ERBB4: variants seen among roughly 807,000 people sequenced by gnomAD.
The protein encoded by ERBB4 is receptor tyrosine-protein kinase erbB-4.
A neutral mutation model predicts 158.0 loss-of-function variants in ERBB4; 42 were observed. The observed-to-expected ratio is 0.27, with a 90% confidence interval of 0.21 to 0.34. The LOEUF is 0.34. Ranked by LOEUF, ERBB4 falls within the 10% of genes least tolerant of loss-of-function variation. The probability of loss-of-function intolerance (pLI) is 1.00; values close to 1 mark genes in which losing one functional copy is unlikely to be tolerated. For missense variants in ERBB4, 1,333 were observed against 1,624.1 expected (o/e 0.82, Z 3.08); for synonymous variants, 583 against 558.7 (o/e 1.04, Z -0.61).
chr2:211,546,077 G>C (rs1018098144), intron 20 of ERBB4, among the ~76,000 whole-genome samples: 1 of 151,912 alleles, frequency 6.6e-6, no homozygotes, highest in Non-Finnish European at 1.5e-5. Flanking sequence ...TTGCCAAAAA[G>C]CTCTTTTTAA....
intron 3 of ERBB4, among the ~76,000 whole-genome samples, chr2:211,915,595 T>A (rs980397901): frequency 6.6e-6 from 1 of 151,928 alleles, no homozygotes; most frequent in African/African-American, 2.4e-5. Flanking sequence ...CTAGCTTAAG[T>A]AATTTGAGAG....
intron 5 of ERBB4, among the ~76,000 whole-genome samples, chr2:211,730,077 G>A (rs996725449): frequency 1.3e-5 from 2 of 151,902 alleles, no homozygotes; most frequent in African/African-American, 4.8e-5. Flanking sequence ...ACTACTGAGA[G>A]AATGTCTATC....
At chr2:212,469,646 T>C (rs1689016212) in intron 1 of ERBB4, among the ~76,000 whole-genome samples, 1 of 152,186 alleles carries the variant, frequency 6.6e-6, no homozygotes, top group Non-Finnish European at 1.5e-5. Context: ...CAGCTATTCA[T>C]GATATTACTG....
At chr2:211,718,138 C>T (rs1266888965) in intron 7 of ERBB4, among the ~76,000 whole-genome samples, 1 of 152,138 alleles carries the variant, frequency 6.6e-6, no homozygotes, top group Non-Finnish European at 1.5e-5. Flanking sequence ...TCTCAAACTC[C>T]TGACCTCACG....
At chr2:211,799,385 G>A (rs1478215508) in intron 3 of ERBB4, among the ~76,000 whole-genome samples, 1 of 152,040 alleles carries the variant, frequency 6.6e-6, no homozygotes, top group African/African-American at 2.4e-5. Context: ...TGCTTTCATA[G>A]GGTAAATAAA....
chr2:212,046,271 T>C lies in ERBB4; in HGVS notation c.234+78481A>G, dbSNP rs149415098. ...TGGTGCTACGAGACACCTAAGAGAA[T>C]AAACTAATCCCTTCACTTTACAGAT... On this transcript the variant is annotated intron_variant, in intron 2 of 27. Coordinates refer to ENST00000342788, the MANE Select transcript of ERBB4 (RefSeq NM_005235.3). Among the ~76,000 whole-genome samples, 265 of 152,276 alleles carry C rather than the reference T, an allele frequency of 1.7e-3. 1 individual carries two copies. The highest frequency in any genetic ancestry group is 5.9e-3 in the African/African-American group (244 of 41,562).
chr2:212,264,367 T>C (rs530072139), intron 1 of ERBB4, among the ~76,000 whole-genome samples: 386 of 152,182 alleles, frequency 2.5e-3, no homozygotes, highest in Non-Finnish European at 4.2e-3. Flanking sequence ...CAAAGGCACA[T>C]AGACACATCT....
chr2:211,433,591 T>A (rs899391233), intron 20 of ERBB4, among the ~76,000 whole-genome samples: 163 of 144,912 alleles, frequency 1.1e-3, no homozygotes, highest in African/African-American at 3.9e-3. Context: ...AAAAATAAAA[T>A]AAAATAAAAA....
chr2:212,370,393 C>T (rs2090044045), intron 1 of ERBB4, among the ~76,000 whole-genome samples: 1 of 152,156 alleles, frequency 6.6e-6, no homozygotes, highest in Admixed American at 6.6e-5. Flanking sequence ...GATTAATAAA[C>T]TGACCAAACA....
intron 19 of ERBB4, among the ~76,000 whole-genome samples, chr2:211,565,745 A>T (rs1237659990): frequency 1.3e-5 from 2 of 152,110 alleles, no homozygotes; most frequent in Non-Finnish European, 2.9e-5. Flanking sequence ...CGTGAGGTTT[A>T]ACATTTTATT....
intron 16 of ERBB4, among the ~76,000 whole-genome samples, chr2:211,635,057 G>A (rs1268178693): frequency 6.6e-6 from 1 of 152,136 alleles, no homozygotes; most frequent in African/African-American, 2.4e-5. Context: ...AATACTAAGG[G>A]ATCTAGAATA....
intron 22 of ERBB4, among the ~76,000 whole-genome samples, chr2:211,426,706 G>A (rs1181620083): frequency 6.6e-6 from 1 of 151,244 alleles, no homozygotes; most frequent in Non-Finnish European, 1.5e-5. Context: ...TATATATCTT[G>A]AGCTAATTTA....
At position 211,848,329 on chromosome 2, in the gene ERBB4, AAAC is replaced by A. The variant is rs2077638304; in HGVS notation, c.422-60173_422-60171del. On this transcript the variant is annotated intron_variant, in intron 3 of 27. Coordinates refer to ENST00000342788, the MANE Select transcript of ERBB4 (RefSeq NM_005235.3). Reference sequence around the variant, plus strand: ...CACAGAAAGAAATAAAAACAAAACAAAACAAAAAACTTGCAAGTAATATGGTGT... The same window carrying A: ...CACAGAAAGAAATAAAAACAAAACAAAAAAAACTTGCAAGTAATATGGTGT... Among the ~76,000 whole-genome samples, 3 of 152,212 alleles carry A rather than the reference AAAC, an allele frequency of 2.0e-5. No individual in the cohort carries two copies. In the South Asian group the frequency reaches 6.2e-4, roughly 32 times the overall value.
intron 3 of ERBB4, among the ~76,000 whole-genome samples, chr2:211,844,876 CAT>C (rs755700752): frequency 7.2e-5 from 11 of 152,120 alleles, no homozygotes; most frequent in Non-Finnish European, 1.6e-4. Flanking sequence ...ATAACCCACA[CAT>C]CTTTTATAGA....
At chr2:212,134,676 CTTTTTTTTTTTTTTTTT>C (rs869141215) in intron 1 of ERBB4, among the ~76,000 whole-genome samples, 1 of 69,056 alleles carries the variant, frequency 1.4e-5, no homozygotes, top group Admixed American at 2.0e-4. Flanking sequence ...TAAACACTTT[CTTTTTTTTTTTTTTTTT>C]TTTTTTTTGA....
intron 2 of ERBB4, among the ~76,000 whole-genome samples, chr2:212,114,123 G>T (rs1293110086): frequency 6.6e-6 from 1 of 152,124 alleles, no homozygotes. Context: ...TTGTTATTTA[G>T]GAGTGTTGAC....
chr2:211,994,662 T>C (rs1404248161), intron 2 of ERBB4, among the ~76,000 whole-genome samples: 3 of 152,264 alleles, frequency 2.0e-5, no homozygotes, highest in Middle Eastern at 3.4e-3. Context: ...AACAACTATA[T>C]AGAATTCATC....
At chr2:212,423,668 G>A (rs377565796) in intron 1 of ERBB4, among the ~76,000 whole-genome samples, 1 of 152,146 alleles carries the variant, frequency 6.6e-6, no homozygotes, top group Non-Finnish European at 1.5e-5. Flanking sequence ...AAAAATAATT[G>A]TAATACTGCA....
At chr2:212,015,057 T>A (rs1335362296) in intron 2 of ERBB4, among the ~76,000 whole-genome samples, 254 of 706 alleles carry the variant, frequency 0.36, 104 homozygotes, top group South Asian at 1. Flanking sequence ...TATATATATA[T>A]ATATATATAT....
Sources: gnomAD v4.1 joint callset for allele counts (sites outside exome capture counted in the v4.1 genomes callset) on GRCh38, gnomAD v4.1.1 for gene constraint, MANE v1.5 for transcripts, NCBI Gene and HGNC (gene_info 2026-07-23, HGNC 2026-07-21) for gene names.